The following ARSG variants were observed in gnomAD, a reference collection of about 807,000 sequenced individuals.
ARSG encodes the protein ASG.
In ARSG, 37 loss-of-function variants were observed where a neutral mutation model predicts 50.5. The ratio of observed to expected loss-of-function variants is 0.73; its 90% CI spans 0.56 to 0.96. The LOEUF (loss-of-function observed/expected upper bound fraction) is 0.96, where lower values mean the gene tolerates loss of function less well. Ranked by LOEUF, ARSG falls within the 50% of genes least tolerant of loss-of-function variation. The pLI, the probability that ARSG is intolerant of heterozygous loss-of-function variation, is 0.00. For synonymous variants in ARSG, 225 were observed against 254.6 expected (o/e 0.88, Z 1.11); for missense variants, 629 against 675.3 (o/e 0.93, Z 0.76).
the ARSG span, chr17:68,450,895 C>T: frequency 3.7e-6 from 6 of 1,611,098 alleles, no homozygotes; most frequent in Admixed American, 8.4e-5. Context: ...TCCGGGATTT[C>T]ATCTGGGAGG....
At chr17:68,383,211 G>A (rs1341665295) in intron 8 of ARSG, among the ~76,000 whole-genome samples, 1 of 152,104 alleles carries the variant, frequency 6.6e-6, no homozygotes, top group Non-Finnish European at 1.5e-5. Context: ...ATTCTTGAAG[G>A]GATCCCTAAT....
intron 11 of ARSG, among the ~76,000 whole-genome samples, chr17:68,413,200 C>CT (rs1208454150): frequency 6.6e-6 from 1 of 152,162 alleles, no homozygotes; most frequent in Non-Finnish European, 1.5e-5. Flanking sequence ...AGGCGCTCTG[C>CT]TTTTTAGAGT....
rs1484858348 is a variant in ARSG, at chr17:68,278,263, C to T, written c.-552+18837C>T. 3 of 1,614,072 alleles carry T rather than the reference C, an allele frequency of 1.9e-6. No individual in the cohort carries two copies. In the Admixed American group the frequency reaches 5.0e-5, roughly 27 times the overall value. ...GCTACCGCCCAGCCCCATCCTCCAT[C>T]AGGCACTTCAGTATACACATTGGCT... On this transcript the variant is annotated intron_variant, in intron 1 of 11. Transcript: ENST00000448504.
At chr17:68,286,557 T>A (rs2075846791), upstream of ARSG, among the ~76,000 whole-genome samples, 1 of 152,168 alleles carries the variant, frequency 6.6e-6, no homozygotes, top group African/African-American at 2.4e-5. Flanking sequence ...TAGGCTGAAG[T>A]GCAGTGGCAC....
At chr17:68,331,491 G>C (rs188128937) in intron 2 of ARSG, among the ~76,000 whole-genome samples, 1 of 152,012 alleles carries the variant, frequency 6.6e-6, no homozygotes. Flanking sequence ...TGATCTGCCC[G>C]CCTTGGCCTC....
chr17:68,273,822 A>G, intron 1 of ARSG: 1 of 1,380,106 alleles, frequency 7.2e-7, no homozygotes, highest in South Asian at 1.4e-5. Context: ...TTAAAGAAAA[A>G]AAGAAAGAGA....
At chr17:68,286,149 T>A (rs1376633835) in intron 1 of ARSG, among the ~76,000 whole-genome samples, 1 of 152,194 alleles carries the variant, frequency 6.6e-6, no homozygotes, top group Non-Finnish European at 1.5e-5. Flanking sequence ...GCAGTTTTTG[T>A]ATGAGCTGAG....
chr17:68,401,556 G>C (rs746981186), intron 11 of ARSG, 106 bp downstream of exon 11: 28 of 1,019,628 alleles, frequency 2.7e-5, no homozygotes, highest in Middle Eastern at 3.1e-4. Flanking sequence ...CCTCCTTTGT[G>C]GGGGGTTCTC....
chr17:68,402,427 T>A (rs1248288038), intron 11 of ARSG, among the ~76,000 whole-genome samples: 1 of 151,942 alleles, frequency 6.6e-6, no homozygotes, highest in East Asian at 1.9e-4. Flanking sequence ...TAATTTTTAG[T>A]AGAGACTGTA....
At chr17:68,426,363 G>T (rs147033555), downstream of ARSG, among the ~76,000 whole-genome samples, 1 of 152,024 alleles carries the variant, frequency 6.6e-6, no homozygotes, top group Non-Finnish European at 1.5e-5. Flanking sequence ...AGCCTGACCT[G>T]CCTTTCCACT....
chr17:68,351,458 A>G (rs911782155), intron 4 of ARSG, 117 bp from the exon 5 acceptor site: 30 of 606,560 alleles, frequency 4.9e-5, no homozygotes, highest in Non-Finnish European at 8.6e-5. Context: ...ATAATTACAT[A>G]CTCTATAGCA....
At chr17:68,415,799 C>G (rs969870958) in intron 11 of ARSG, among the ~76,000 whole-genome samples, 2 of 152,154 alleles carry the variant, frequency 1.3e-5, no homozygotes, top group African/African-American at 4.8e-5. Context: ...ACTGCCGTTG[C>G]TTTAAAGTTG....
intron 1 of ARSG, among the ~76,000 whole-genome samples, chr17:68,296,687 G>A (rs1015616828): frequency 2.6e-5 from 4 of 152,060 alleles, no homozygotes; most frequent in Non-Finnish European, 5.9e-5. Flanking sequence ...CCACCCAAGC[G>A]GCCTCTGCTC....
chr17:68,366,677 ATGTG>A (rs3072873), intron 6 of ARSG, among the ~76,000 whole-genome samples: 45 of 148,354 alleles, frequency 3.0e-4, no homozygotes, highest in East Asian at 6.0e-4. Flanking sequence ...GAATTTATGT[ATGTG>A]TGTGTGTGTG....
At chr17:68,431,741 C>T in the ARSG span, among the ~76,000 whole-genome samples, 8 of 152,412 alleles carry the variant, frequency 5.2e-5, no homozygotes, top group East Asian at 1.5e-3. Context: ...TGAGCCGTAA[C>T]CGCCGGGGAC....
At chr17:68,431,109 C>G in the ARSG span, among the ~76,000 whole-genome samples, 1 of 152,122 alleles carries the variant, frequency 6.6e-6, no homozygotes, top group Non-Finnish European at 1.5e-5. Context: ...CTGGGGTTTA[C>G]AAAGAGGTGT....
rs1173304809 is a variant in ARSG at position 68,347,128 on chromosome 17, A to G, written c.410A>G (p.Lys137Arg). Reference protein sequence around the residue: ...QAGYVTGIIGKWHLGHHGSYH... With the variant: ...QAGYVTGIIGRWHLGHHGSYH... ...TCTCTCTTATGTTTTTCTACAGGCA[A>G]ATGGCATCTTGGACACCACGGCTCT... is the stretch of plus-strand genomic sequence containing the variant. The change falls in exon 4 of 12, where the codon AAA becomes AGA. Residue 137 changes from lysine (K) to arginine (R), a missense_variant. Transcript: ENST00000621439. The G allele has an allele frequency of 6.2e-7, 1 of 1,613,912 alleles. No individual in the cohort carries two copies. The highest frequency in any genetic ancestry group is 8.5e-7 in the Non-Finnish European group (1 of 1,179,962).
At chr17:68,408,422 A>G (rs894436544) in intron 11 of ARSG, among the ~76,000 whole-genome samples, 115 of 151,376 alleles carry the variant, frequency 7.6e-4, no homozygotes, top group Non-Finnish European at 8.4e-4. Context: ...ATGATTTCCA[A>G]TTTCATCCAT....
intron 1 of ARSG, among the ~76,000 whole-genome samples, chr17:68,282,520 C>T (rs191858141): frequency 1.3e-3 from 196 of 151,542 alleles, no homozygotes; most frequent in African/African-American, 4.3e-3. Context: ...CACATAGGAC[C>T]AGGCGCAGTG....
Sources: allele counts gnomAD v4.1 joint callset (sites outside exome capture counted in the v4.1 genomes callset), GRCh38; gene constraint gnomAD v4.1.1; transcripts MANE v1.5; gene names NCBI Gene and HGNC (gene_info 2026-07-23, HGNC 2026-07-21).